Variants in CDH8 observed in about 807,000 individuals in gnomAD.
CDH8 encodes the protein cadherin-8.
In CDH8, 17 loss-of-function variants were observed where a neutral mutation model predicts 68.1. That is an observed-to-expected ratio of 0.25 (90% confidence interval 0.17 to 0.37). The LOEUF (loss-of-function observed/expected upper bound fraction) is 0.37. CDH8 is among the 10% of genes least tolerant of loss of function. The pLI is 1.00. For missense variants in CDH8, 763 were observed against 999.3 expected (o/e 0.76, Z 3.19); for synonymous variants, 372 against 365.1 (o/e 1.02, Z -0.21).
chr16:61,813,507 G>A (rs1962000289), intron 7 of CDH8, among the ~76,000 whole-genome samples: 1 of 152,192 alleles, frequency 6.6e-6, no homozygotes, highest in South Asian at 2.1e-4. Context: ...TTGTGCAGAT[G>A]AGGGAACTGG....
At chr16:61,722,128 T>C (rs375675273) in intron 9 of CDH8, among the ~76,000 whole-genome samples, 8 of 150,806 alleles carry the variant, frequency 5.3e-5, no homozygotes, top group African/African-American at 1.9e-4. Context: ...AATCTCATTT[T>C]TGCTTATTAC....
chr16:62,000,955 T>C (rs879317530), intron 2 of CDH8, among the ~76,000 whole-genome samples: 12 of 152,208 alleles, frequency 7.9e-5, no homozygotes, highest in Non-Finnish European at 1.6e-4. Flanking sequence ...CATTATGTCC[T>C]ATTCTAAGTG....
chr16:61,826,046 T>A (rs1019436017), intron 4 of CDH8, among the ~76,000 whole-genome samples: 2 of 151,850 alleles, frequency 1.3e-5, no homozygotes, highest in African/African-American at 4.8e-5. Flanking sequence ...TCCACATATT[T>A]TTTTCATAGA....
chr16:61,652,738 A>G lies in CDH8; in HGVS notation c.*870T>C. 7 of 1,317,360 alleles carry G rather than the reference A, an allele frequency of 5.3e-6. No individual in the cohort carries two copies. Among genetic ancestry groups the G allele is most frequent in the Non-Finnish European group, 6.8e-6 (7 of 1,034,538 alleles). The allele number at this position is 1,317,360 out of a possible 1,614,324, so 81.6% of individuals were successfully genotyped here. On this transcript the variant is annotated 3_prime_UTR_variant, in exon 12 of 12. Coordinates refer to ENST00000577390, the MANE Select transcript of CDH8 (RefSeq NM_001796.5). ...ATTACCGACCTTAATAAATAAAAGC[A>G]TTAATGGACATCAATAAAATATTTA...
intron 2 of CDH8, among the ~76,000 whole-genome samples, chr16:61,991,386 G>C (rs908134455): frequency 2.0e-5 from 3 of 152,172 alleles, no homozygotes; most frequent in Non-Finnish European, 4.4e-5. Context: ...AGGAATGTAA[G>C]TGATCGTAAC....
intron 2 of CDH8, among the ~76,000 whole-genome samples, chr16:62,014,072 G>C (rs957734397): frequency 7.9e-5 from 12 of 152,126 alleles, no homozygotes; most frequent in African/African-American, 2.7e-4. Context: ...AGCAGGGTGA[G>C]AGTCTGGAGC....
intron 10 of CDH8, chr16:61,693,685 C>A (rs1197958550): frequency 6.6e-6 from 1 of 151,884 alleles, no homozygotes; most frequent in Non-Finnish European, 1.5e-5. Context: ...AGTGTGGGGC[C>A]CTGAGATCCC....
intron 10 of CDH8, among the ~76,000 whole-genome samples, chr16:61,656,694 C>T (rs1009775583): frequency 2.6e-5 from 4 of 152,058 alleles, no homozygotes; most frequent in African/African-American, 7.2e-5. Flanking sequence ...TTGCAGGTGT[C>T]GGTTAATTAT....
chr16:61,677,550 A>T (rs1596857699), intron 10 of CDH8, among the ~76,000 whole-genome samples: 1 of 152,120 alleles, frequency 6.6e-6, no homozygotes, highest in Admixed American at 6.6e-5. Context: ...TCAGAAAATT[A>T]CATAGAGAGG....
intron 8 of CDH8, among the ~76,000 whole-genome samples, chr16:61,756,203 T>C (rs558729265): frequency 6.6e-6 from 1 of 152,280 alleles, no homozygotes; most frequent in South Asian, 2.1e-4. Flanking sequence ...CTTTAAAATA[T>C]ATAATACAAG....
At chr16:61,728,289 A>T (rs1959434047) in intron 8 of CDH8, among the ~76,000 whole-genome samples, 1 of 150,934 alleles carries the variant, frequency 6.6e-6, no homozygotes, top group Non-Finnish European at 1.5e-5. Context: ...GTACTCCTAA[A>T]GTATACACCA....
chr16:61,679,149 G>A (rs147966431), intron 10 of CDH8, among the ~76,000 whole-genome samples: 8 of 152,096 alleles, frequency 5.3e-5, no homozygotes, highest in African/African-American at 1.4e-4. Flanking sequence ...GCAATTTCTC[G>A]TGTTGCATTT....
chr16:61,957,075 G>A (rs908785630), intron 2 of CDH8, among the ~76,000 whole-genome samples: 21 of 152,172 alleles, frequency 1.4e-4, no homozygotes, highest in South Asian at 1.0e-3. Context: ...AAGCAAGTTA[G>A]TAGAAATGGT....
intron 3 of CDH8, among the ~76,000 whole-genome samples, chr16:61,866,229 A>T (rs1963250873): frequency 6.6e-6 from 1 of 151,906 alleles, no homozygotes; most frequent in Non-Finnish European, 1.5e-5. Context: ...GTCTCAATAA[A>T]AAAAAAAAAG....
intron 2 of CDH8, among the ~76,000 whole-genome samples, chr16:61,921,390 G>A (rs1055423034): frequency 2.0e-5 from 3 of 151,402 alleles, no homozygotes; most frequent in Non-Finnish European, 2.9e-5. Context: ...TGGCTATTCT[G>A]ACTTCTGTAT....
At chr16:61,992,050 TTGTGTGTG>T (rs11271459) in intron 2 of CDH8, among the ~76,000 whole-genome samples, 1 of 144,316 alleles carries the variant, frequency 6.9e-6, no homozygotes. Context: ...TGCTAAATCT[TTGTGTGTG>T]TGTGTGTGTG....
chr16:61,952,645 A>C (rs945541183), intron 2 of CDH8, among the ~76,000 whole-genome samples: 4 of 152,188 alleles, frequency 2.6e-5, no homozygotes, highest in African/African-American at 4.8e-5. Context: ...AGGAATGCAA[A>C]TACTGTTGAA....
Position 61,894,793 on chromosome 16 carries a change from A to C in CDH8, c.547+6386T>G, listed in dbSNP as rs117150752. Among the ~76,000 whole-genome samples the C allele has an allele frequency of 9.7e-3, 1,470 of 152,256 alleles. 53 individuals carry two copies. In the East Asian group the frequency reaches 0.11, roughly 11 times the overall value. ...GTTCAAGGAGACTTGCCCATCATAT[A>C]CTGACTTCTATAACCTCCTCAGTGA... On this transcript the variant is annotated intron_variant, in intron 3 of 11. Transcript: ENST00000577390.
At chr16:61,655,425 G>C (rs1963421121) in intron 11 of CDH8, 45 bp downstream of exon 11, 2 of 1,601,128 alleles carry the variant, frequency 1.2e-6, no homozygotes, top group African/African-American at 2.7e-5. Flanking sequence ...AGTCATTTAT[G>C]AATCAGAAAA....
Sources: gnomAD v4.1 joint callset for allele counts (sites outside exome capture counted in the v4.1 genomes callset) on GRCh38, gnomAD v4.1.1 for gene constraint, MANE v1.5 for transcripts, NCBI Gene and HGNC (gene_info 2026-07-23, HGNC 2026-07-21) for gene names.